Variants in GAL3ST2 observed in about 807,000 individuals in gnomAD.
The protein encoded by GAL3ST2 is galactose-3-O-sulfotransferase 2.
In GAL3ST2, 16 loss-of-function variants were observed where a neutral mutation model predicts 12.9. That is an observed-to-expected ratio of 1.24 (90% CI 0.84 to 1.88). GAL3ST2 has a LOEUF of 1.88. GAL3ST2 is among the 40% of genes most tolerant of loss of function. GAL3ST2 has a pLI of 0.00. For synonymous variants in GAL3ST2, 302 were observed against 273.9 expected (o/e 1.10, Z -1.01); for missense variants, 639 against 571.8 (o/e 1.12, Z -1.20).
intron 2 of GAL3ST2, 52 bp downstream of exon 2, chr2:241,799,206 CGA>C (rs765963193): frequency 6.7e-7 from 1 of 1,489,290 alleles, no homozygotes; most frequent in Non-Finnish European, 9.4e-7. Context: ...CTAACAGCCC[CGA>C]GGACAGAGCC....
At position 241,801,977 on chromosome 2, in the gene GAL3ST2, G is replaced by A. The variant is rs369237199; in HGVS notation, c.316G>A (p.Val106Met). The change falls in exon 3 of 4, where the codon GTG (valine) becomes ATG (methionine). Residue 106 changes from valine to methionine, a missense_variant. By Grantham distance (21) the Val-to-Met change is conservative. Coordinates refer to ENST00000192314, the MANE Select transcript of GAL3ST2 (RefSeq NM_022134.3). This position sits in a 1 kb window ranked among gnomAD's most constrained non-coding sequence, Gnocchi z 4.4. ...WLFLARYVEGVGSQQRFNIMC... is the reference protein window; with the variant it reads ...WLFLARYVEGMGSQQRFNIMC... ...CTTCCTGGCGCGCTACGTGGAAGGC[G>A]TGGGGTCGCAGCAGCGCTTCAACAT... The A allele has an allele frequency of 7.3e-5, 117 of 1,612,950 alleles. No individual in the cohort carries two copies. The African/African-American group carries it at 1.4e-3, about 19-fold the overall frequency.
chr2:241,780,286 C>G (rs925160315), intron 1 of GAL3ST2, among the ~76,000 whole-genome samples: 1 of 151,938 alleles, frequency 6.6e-6, no homozygotes, highest in African/African-American at 2.4e-5. Context: ...TTTGGGAGGC[C>G]GAGGTGGATG....
intron 1 of GAL3ST2, among the ~76,000 whole-genome samples, chr2:241,787,919 G>A (rs968412418): frequency 6.6e-6 from 1 of 152,148 alleles, no homozygotes; most frequent in Non-Finnish European, 1.5e-5. Flanking sequence ...CAAATTGTGG[G>A]TAACAAGGCC....
At chr2:241,791,455 G>A (rs558898904) in intron 1 of GAL3ST2, among the ~76,000 whole-genome samples, 1 of 152,254 alleles carries the variant, frequency 6.6e-6, no homozygotes, top group African/African-American at 2.4e-5. Flanking sequence ...AAGCCCCTTG[G>A]AAAAACTGGC....
intron 1 of GAL3ST2, among the ~76,000 whole-genome samples, chr2:241,781,456 C>T (rs992486278): frequency 6.6e-6 from 1 of 151,766 alleles, no homozygotes; most frequent in South Asian, 2.1e-4. Context: ...ATAAAACCAC[C>T]GTAAAGAGGA....
intron 2 of GAL3ST2, 136 bp downstream of exon 2, chr2:241,799,290 T>A: frequency 1.3e-6 from 1 of 795,706 alleles, no homozygotes; most frequent in Non-Finnish European, 2.1e-6. Flanking sequence ...GATGGGCCCT[T>A]CCTTGGGGGG....
chr2:241,783,314 C>T (rs1387865108), intron 1 of GAL3ST2, among the ~76,000 whole-genome samples: 5 of 151,194 alleles, frequency 3.3e-5, no homozygotes, highest in African/African-American at 9.8e-5. Flanking sequence ...TGGATTTTCT[C>T]GTTTGTCCTG....
At chr2:241,783,084 G>C (rs964180745) in intron 1 of GAL3ST2, among the ~76,000 whole-genome samples, 3 of 151,886 alleles carry the variant, frequency 2.0e-5, no homozygotes, top group Non-Finnish European at 4.4e-5. Context: ...GTTGCAGTGA[G>C]CCGAGATTGT....
intron 1 of GAL3ST2, among the ~76,000 whole-genome samples, chr2:241,781,763 C>T (rs1284989177): frequency 1.3e-5 from 2 of 152,162 alleles, no homozygotes; most frequent in African/African-American, 4.8e-5. Context: ...CAAACTATGT[C>T]GTTTTTGGAC....
chr2:241,793,382 G>T lies in GAL3ST2; in HGVS notation c.30-5683G>T, dbSNP rs1458003143. Among the ~76,000 whole-genome samples the T allele has an allele frequency of 6.6e-6, 1 of 151,748 alleles. No individual in the cohort carries two copies. Among genetic ancestry groups the T allele is most frequent in the Non-Finnish European group, 1.5e-5 (1 of 67,936 alleles). On this transcript the variant is annotated intron_variant, in intron 1 of 3. Coordinates refer to ENST00000192314, the MANE Select transcript of GAL3ST2 (RefSeq NM_022134.3). The surrounding 1 kb of genome is among the most constrained non-coding windows in gnomAD (Gnocchi z 4.7). The stretch of plus-strand genomic sequence containing the variant: ...TATTGTGTGTGTATGTATGTATTGT[G>T]TATGCATGTGTGTGTATATGTATGT...
Position 241,800,645 on chromosome 2 carries a change from T to G in GAL3ST2, c.120-1136T>G. On this transcript the variant is annotated intron_variant, in intron 2 of 3. Coordinates refer to ENST00000192314, the MANE Select transcript of GAL3ST2 (RefSeq NM_022134.3). The surrounding 1 kb of genome is among the most constrained non-coding windows in gnomAD (Gnocchi z 5.2). ...GAACCAGTCCGGGGCTGGGGGTCCC[T>G]GCTCAGGGGACAGTTACTGAAATGC... Among the ~76,000 whole-genome samples, 1 of 152,212 alleles carries G rather than the reference T, an allele frequency of 6.6e-6. No homozygotes were observed. The highest frequency in any genetic ancestry group is 1.5e-5 in the Non-Finnish European group (1 of 68,040).
At chr2:241,790,024 T>C (rs1394145675) in intron 1 of GAL3ST2, among the ~76,000 whole-genome samples, 1 of 151,860 alleles carries the variant, frequency 6.6e-6, no homozygotes, top group Non-Finnish European at 1.5e-5. Flanking sequence ...ATTATAATTG[T>C]TATGTTAAGT....
intron 1 of GAL3ST2, among the ~76,000 whole-genome samples, chr2:241,781,722 G>C (rs1381064406): frequency 0.16 from 19,959 of 124,852 alleles, no homozygotes; most frequent in African/African-American, 0.3. Context: ...ACTTGACAAT[G>C]CTTCCTGTAT....
Position 241,804,172 on chromosome 2 carries a change from C to T in GAL3ST2, c.*6C>T, listed in dbSNP as rs933018614. 2.1e-6 allele frequency: 3 copies of T among 1,423,924 alleles called. No homozygotes were observed. Among genetic ancestry groups the T allele is most frequent in the African/African-American group, 1.5e-5 (1 of 67,088 alleles). 88.2% of individuals were successfully genotyped at this position (1,423,924 alleles called of 1,614,324 possible). A position where few individuals can be genotyped will look rare whatever the true frequency, so the allele number is the denominator to read the frequency against. On this transcript the variant is annotated 3_prime_UTR_variant, in exon 4 of 4. Transcript: ENST00000192314. ...TCCCGTTCCTGGGGGCGTAGAGGGG[C>T]CGGGCCGGGGACGAGGCCTCCTGCG...
chr2:241,782,774 C>T (rs777698535), intron 1 of GAL3ST2, among the ~76,000 whole-genome samples: 3 of 152,000 alleles, frequency 2.0e-5, no homozygotes, highest in Non-Finnish European at 4.4e-5. Flanking sequence ...AGTCAATGTC[C>T]TGTAATTCAG....
chr2:241,779,286 T>G (rs934427905), intron 1 of GAL3ST2, among the ~76,000 whole-genome samples: 2 of 127,156 alleles, frequency 1.6e-5, no homozygotes, highest in Non-Finnish European at 3.2e-5. Flanking sequence ...CAGTCTGGAG[T>G]GCAGTGGAGC....
rs1043748479 is a variant in GAL3ST2 at position 241,804,269 on chromosome 2, A to G, written c.*103A>G. ...TGCAGGGCTTCTGGGGCGTTGGGAA[A>G]CCCAGGCCCGCCGGCCACGGCTCTA... On this transcript the variant is annotated 3_prime_UTR_variant, in exon 4 of 4. Coordinates refer to ENST00000192314, the MANE Select transcript of GAL3ST2 (RefSeq NM_022134.3). 2.2e-5 allele frequency: 23 copies of G among 1,024,954 alleles called. No individual in the cohort carries two copies. The highest frequency in any genetic ancestry group is 3.4e-4 in the Middle Eastern group (1 of 2,946). The allele number at this position is 1,024,954 out of a possible 1,614,324, so 63.5% of individuals were successfully genotyped here.
chr2:241,787,360 A>G (rs1699639387), intron 1 of GAL3ST2, among the ~76,000 whole-genome samples: 1 of 152,072 alleles, frequency 6.6e-6, no homozygotes, highest in Non-Finnish European at 1.5e-5. Context: ...CATTTTGGTA[A>G]CCACAGAGGG....
intron 1 of GAL3ST2, among the ~76,000 whole-genome samples, chr2:241,780,994 A>G (rs536011298): frequency 8.8e-4 from 134 of 152,204 alleles, no homozygotes; most frequent in African/African-American, 2.9e-3. Context: ...AGTCTTGGTA[A>G]AATAACCAGT....
Sources: gnomAD v4.1 joint callset for allele counts (sites outside exome capture counted in the v4.1 genomes callset) on GRCh38, gnomAD v4.1.1 for gene constraint, Gnocchi (gnomAD v3.1) non-coding constraint, MANE v1.5 for transcripts, NCBI Gene and HGNC (gene_info 2026-07-23, HGNC 2026-07-21) for gene names.